Variants in LDLRAD4 observed in about 807,000 individuals in gnomAD.
The protein encoded by LDLRAD4 is low density lipoprotein receptor class A domain containing 4.
Under a neutral mutation model 17.0 loss-of-function variants are expected in LDLRAD4, and 5 were observed. The observed-to-expected ratio is 0.29, with a 90% CI of 0.15 to 0.62. LDLRAD4 has a LOEUF of 0.62. Among genes scored for constraint, LDLRAD4 ranks in the 20% least tolerant of loss-of-function variants. The pLI is 0.84. For synonymous variants in LDLRAD4, 168 were observed against 171.8 expected, an observed-to-expected ratio of 0.98 and a Z score of 0.17; for missense variants, 340 against 424.7, an observed-to-expected ratio of 0.80 and a Z score of 1.75.
At chr18:13,627,424 G>T (rs556920477) in intron 4 of LDLRAD4, among the ~76,000 whole-genome samples, 2 of 152,146 alleles carry the variant, frequency 1.3e-5, no homozygotes, top group Non-Finnish European at 2.9e-5. Context: ...CCTGTCTCTC[G>T]CTGGGGACCC....
At chr18:13,498,615 T>C (rs376907747) in intron 3 of LDLRAD4, among the ~76,000 whole-genome samples, 81 of 149,122 alleles carry the variant, frequency 5.4e-4, no homozygotes, top group African/African-American at 1.8e-3. Flanking sequence ...CTGTGGACAC[T>C]GGAGAATCCT....
At chr18:13,388,761 G>A (rs546753214) in intron 2 of LDLRAD4, among the ~76,000 whole-genome samples, 17 of 152,342 alleles carry the variant, frequency 1.1e-4, no homozygotes, top group Admixed American at 4.6e-4. Flanking sequence ...TGAAGAGATG[G>A]AGCGCCGCTG....
intron 4 of LDLRAD4, among the ~76,000 whole-genome samples, chr18:13,626,118 A>T (rs1315505540): frequency 2.0e-5 from 3 of 152,118 alleles, no homozygotes; most frequent in African/African-American, 7.2e-5. Flanking sequence ...CATCACAGAC[A>T]AAGCAAATGC....
In LDLRAD4 at chr18:13,300,144, C is replaced by A. The variant is rs1270078166; in HGVS notation, c.-383+21956C>A. On this transcript the variant is annotated intron_variant, in intron 1 of 5. Transcript: ENST00000359446. The surrounding 1 kb of genome is among the most constrained non-coding windows in gnomAD (Gnocchi z 4.2). ...CTTGGTTCCTGCAAATTCCATGCCC[C>A]AGCCTGGCTTCCGGTTCCTGCTTGT... 2.6e-5 allele frequency among the ~76,000 whole-genome samples: 4 copies of A among 152,234 alleles called. No homozygotes were observed. The highest frequency in any genetic ancestry group is 1.3e-4 in the Admixed American group (2 of 15,290).
exon 1 of LDLRAD4, chr18:13,278,154 C>T (rs936831346): frequency 2.6e-4 from 39 of 152,168 alleles, no homozygotes; most frequent in African/African-American, 8.4e-4. Flanking sequence ...GGGCCATTTC[C>T]GAGAACTCCC....
chr18:13,242,402 C>T (rs1005633159), intron 1 of LDLRAD4, among the ~76,000 whole-genome samples: 5 of 152,112 alleles, frequency 3.3e-5, no homozygotes, highest in Admixed American at 2.0e-4. Context: ...CCGGGGTGAT[C>T]GGGTGATTAG....
At chr18:13,469,101 A>T (rs1457596753) in intron 3 of LDLRAD4, among the ~76,000 whole-genome samples, 4 of 151,740 alleles carry the variant, frequency 2.6e-5, no homozygotes, top group African/African-American at 9.7e-5. Context: ...TCCAAAGAAG[A>T]TATGCAATGA....
intron 1 of LDLRAD4, among the ~76,000 whole-genome samples, chr18:13,343,376 T>G (rs1047146652): frequency 6.6e-6 from 1 of 151,986 alleles, no homozygotes; most frequent in Non-Finnish European, 1.5e-5. Flanking sequence ...AATGATGGTT[T>G]CCAGCTTCAT....
At chr18:13,548,677 G>C (rs1015888519) in intron 3 of LDLRAD4, among the ~76,000 whole-genome samples, 2 of 152,248 alleles carry the variant, frequency 1.3e-5, no homozygotes, top group African/African-American at 4.8e-5. Flanking sequence ...AGGGGTGCAG[G>C]GATGCCCATG....
At chr18:13,542,761 A>G (rs1238127570) in intron 3 of LDLRAD4, among the ~76,000 whole-genome samples, 3 of 152,074 alleles carry the variant, frequency 2.0e-5, no homozygotes. Context: ...TTTTTAAATA[A>G]ACCCTTTCCT....
exon 6 of LDLRAD4, chr18:13,649,251 G>A (rs1213898531): frequency 1.3e-5 from 2 of 152,220 alleles, no homozygotes; most frequent in Admixed American, 6.5e-5. Context: ...GCGTATCTCC[G>A]TTTGATCTCT....
intron 3 of LDLRAD4, among the ~76,000 whole-genome samples, chr18:13,575,295 A>G (rs993464282): frequency 6.6e-6 from 1 of 152,190 alleles, no homozygotes; most frequent in African/African-American, 2.4e-5. Context: ...CTCATAGCTT[A>G]GCTCCCACTT....
intron 1 of LDLRAD4, among the ~76,000 whole-genome samples, chr18:13,302,821 CATGCAGTCATGTTT>C (rs2046680914): frequency 6.6e-6 from 1 of 152,192 alleles, no homozygotes; most frequent in Non-Finnish European, 1.5e-5. Context: ...AGTTGTGTTA[CATGCAGTCATGTTT>C]ATGCAGTTTT....
At chr18:13,582,210 A>G (rs1421383431) in intron 3 of LDLRAD4, among the ~76,000 whole-genome samples, 1 of 152,266 alleles carries the variant, frequency 6.6e-6, no homozygotes, top group African/African-American at 2.4e-5. Context: ...ACAGGGCCTG[A>G]CACAGAAGCA....
chr18:13,445,267 TGTGA>T (rs1313242565), intron 3 of LDLRAD4, among the ~76,000 whole-genome samples: 1 of 151,922 alleles, frequency 6.6e-6, no homozygotes, highest in Non-Finnish European at 1.5e-5. Context: ...ATGCATGAGA[TGTGA>T]GTATGCCAGA....
intron 2 of LDLRAD4, among the ~76,000 whole-genome samples, chr18:13,393,427 A>T (rs1194601285): frequency 6.6e-6 from 1 of 152,152 alleles, no homozygotes; most frequent in Non-Finnish European, 1.5e-5. Context: ...AACAGCAGGC[A>T]GGGACAGCTT....
chr18:13,243,627 C>G (rs72869817), intron 1 of LDLRAD4, among the ~76,000 whole-genome samples: 4 of 149,378 alleles, frequency 2.7e-5, no homozygotes, highest in Non-Finnish European at 4.5e-5. Context: ...CAGCCACCCA[C>G]GCACCCGCAC....
intron 2 of LDLRAD4, among the ~76,000 whole-genome samples, chr18:13,402,864 A>T (rs921692544): frequency 6.6e-6 from 1 of 152,222 alleles, no homozygotes; most frequent in African/African-American, 2.4e-5. Context: ...CATGCTTATC[A>T]CATTTGCGAA....
intron 1 of LDLRAD4, among the ~76,000 whole-genome samples, chr18:13,252,334 G>C (rs1016015188): frequency 2.0e-5 from 3 of 152,104 alleles, no homozygotes; most frequent in African/African-American, 7.2e-5. Context: ...TCATCATGTT[G>C]GTCAGGCTGG....
Sources: allele counts gnomAD v4.1 joint callset (sites outside exome capture counted in the v4.1 genomes callset), GRCh38; gene constraint gnomAD v4.1.1; non-coding constraint Gnocchi (gnomAD v3.1); transcripts MANE v1.5; gene names NCBI Gene and HGNC (gene_info 2026-07-23, HGNC 2026-07-21).